The following SRPK2 variants were observed in gnomAD, a reference collection of about 807,000 sequenced individuals.
SRPK2 encodes the protein SFRS protein kinase 2.
Under a neutral mutation model 90.8 loss-of-function variants are expected in SRPK2, and 21 were observed. That is an observed-to-expected ratio of 0.23 (90% CI 0.16 to 0.33). SRPK2 has a LOEUF of 0.33. SRPK2 is among the 10% of genes least tolerant of loss of function. The probability of loss-of-function intolerance (pLI) is 1.00; values close to 1 mark genes in which losing one functional copy is unlikely to be tolerated. For synonymous variants in SRPK2, 288 were observed against 311.1 expected (o/e 0.93, Z 0.78); for missense variants, 620 against 869.0 (o/e 0.71, Z 3.60).
chr7:105,287,825 C>A (rs1443151341), intron 2 of SRPK2, among the ~76,000 whole-genome samples: 1 of 152,036 alleles, frequency 6.6e-6, no homozygotes, highest in Non-Finnish European at 1.5e-5. Flanking sequence ...GGAAGATCTA[C>A]CTTTATTTGC....
In SRPK2 at chr7:105,377,826, G is replaced by A. The variant is rs117151986; in HGVS notation, c.71+10822C>T. Among the ~76,000 whole-genome samples the A allele has an allele frequency of 2.8e-4, 43 of 152,238 alleles. No homozygotes were observed. In the East Asian group the frequency reaches 7.9e-3, roughly 28 times the overall value. On this transcript the variant is annotated intron_variant, in intron 2 of 15. Transcript: ENST00000393651. ...ATAAATTTAGCTAATTCAGAAACAT[G>A]GAATTAATCCTAGAACCCTCCCACT...
At chr7:105,252,691 G>T (rs1321415993) in intron 2 of SRPK2, among the ~76,000 whole-genome samples, 1 of 151,298 alleles carries the variant, frequency 6.6e-6, no homozygotes, top group Admixed American at 6.6e-5. Flanking sequence ...AAGAATTTCT[G>T]CAACAAAATG....
At chr7:105,178,503 C>T (rs761791528) in intron 3 of SRPK2, among the ~76,000 whole-genome samples, 9 of 152,078 alleles carry the variant, frequency 5.9e-5, no homozygotes, top group South Asian at 2.1e-4. Flanking sequence ...CCAAAAGACA[C>T]GGGAGGATTC....
intron 2 of SRPK2, among the ~76,000 whole-genome samples, chr7:105,261,350 T>C (rs1804254998): frequency 6.6e-6 from 1 of 151,844 alleles, no homozygotes; most frequent in East Asian, 1.9e-4. Flanking sequence ...TGAAACCCCG[T>C]CTCTACTAAA....
chr7:105,220,496 A>G (rs550905650), intron 2 of SRPK2, among the ~76,000 whole-genome samples: 15 of 152,336 alleles, frequency 9.8e-5, no homozygotes, highest in African/African-American at 3.6e-4. Flanking sequence ...ACTGCACTCC[A>G]GCCTGGCGAC....
At chr7:105,195,245 T>A (rs1439958373) in intron 3 of SRPK2, among the ~76,000 whole-genome samples, 1 of 151,992 alleles carries the variant, frequency 6.6e-6, no homozygotes. Flanking sequence ...GAGACAGGGC[T>A]TCGATATGTT....
At chr7:105,283,581 G>C (rs936257386) in intron 2 of SRPK2, among the ~76,000 whole-genome samples, 2 of 152,008 alleles carry the variant, frequency 1.3e-5, no homozygotes, top group East Asian at 3.9e-4. Flanking sequence ...CATCAACACA[G>C]AAAGTAGATT....
intron 2 of SRPK2, among the ~76,000 whole-genome samples, chr7:105,257,611 TC>T (rs1803511541): frequency 6.6e-6 from 1 of 152,156 alleles, no homozygotes; most frequent in African/African-American, 2.4e-5. Flanking sequence ...AAATTTAACT[TC>T]CCTTGTAAAC....
intron 2 of SRPK2, among the ~76,000 whole-genome samples, chr7:105,247,843 A>T (rs1801914894): frequency 6.6e-6 from 1 of 150,878 alleles, no homozygotes; most frequent in Non-Finnish European, 1.5e-5. Context: ...ATTATAGGGC[A>T]TGAGCTGTCA....
chr7:105,332,143 A>C (rs1814494595), intron 2 of SRPK2, among the ~76,000 whole-genome samples: 2 of 152,226 alleles, frequency 1.3e-5, no homozygotes, highest in South Asian at 4.1e-4. Context: ...CACCAAGAAA[A>C]ACACAGCTTC....
At chr7:105,312,913 C>G (rs1195766186) in intron 2 of SRPK2, among the ~76,000 whole-genome samples, 1 of 152,166 alleles carries the variant, frequency 6.6e-6, no homozygotes, top group Non-Finnish European at 1.5e-5. Context: ...GCTGGGATGA[C>G]AGGCATGAGA....
chr7:105,253,434 C>G (rs891448266), intron 2 of SRPK2, among the ~76,000 whole-genome samples: 2 of 152,188 alleles, frequency 1.3e-5, no homozygotes, highest in African/African-American at 4.8e-5. Context: ...TTCAATGGCT[C>G]TTGGTAAACA....
intron 2 of SRPK2, among the ~76,000 whole-genome samples, chr7:105,278,963 A>G (rs1013670038): frequency 6.6e-6 from 1 of 152,240 alleles, no homozygotes; most frequent in Non-Finnish European, 1.5e-5. Flanking sequence ...CATTCTAAAA[A>G]TAAGTACATA....
chr7:105,152,697 T>G (rs1375840102), intron 7 of SRPK2, among the ~76,000 whole-genome samples: 1 of 152,208 alleles, frequency 6.6e-6, no homozygotes, highest in African/African-American at 2.4e-5. Flanking sequence ...TTTCCTCTGT[T>G]GCTTTTACTT....
chr7:105,124,778 TC>T (rs1365175642), intron 15 of SRPK2, among the ~76,000 whole-genome samples: 2 of 151,606 alleles, frequency 1.3e-5, no homozygotes, highest in African/African-American at 4.8e-5. Flanking sequence ...TTAAGGGCTG[TC>T]ACATCCAAAA....
chr7:105,295,002 G>A (rs187984639), intron 2 of SRPK2, among the ~76,000 whole-genome samples: 3 of 152,198 alleles, frequency 2.0e-5, no homozygotes, highest in Admixed American at 1.3e-4. Context: ...CCTGAGGTCA[G>A]GAGTTCGAGA....
intron 2 of SRPK2, among the ~76,000 whole-genome samples, chr7:105,252,324 G>A (rs941932701): frequency 2.0e-5 from 3 of 152,084 alleles, no homozygotes; most frequent in Admixed American, 6.6e-5. Flanking sequence ...CAAAAACAGA[G>A]TAGGGTGGAG....
intron 2 of SRPK2, among the ~76,000 whole-genome samples, chr7:105,374,572 T>C (rs1266306952): frequency 1.3e-5 from 2 of 152,210 alleles, no homozygotes; most frequent in Non-Finnish European, 2.9e-5. Flanking sequence ...TAGTCATTAA[T>C]AATTAGTTAT....
chr7:105,338,494 TCA>T (rs1815380448), intron 2 of SRPK2, among the ~76,000 whole-genome samples: 1 of 152,158 alleles, frequency 6.6e-6, no homozygotes, highest in South Asian at 2.1e-4. Flanking sequence ...TGGATCCACC[TCA>T]GGTGATCCAC....
Sources: gnomAD v4.1 joint callset for allele counts (sites outside exome capture counted in the v4.1 genomes callset) on GRCh38, gnomAD v4.1.1 for gene constraint, MANE v1.5 for transcripts, NCBI Gene and HGNC (gene_info 2026-07-23, HGNC 2026-07-21) for gene names.